Variants in PXDNL observed in about 807,000 individuals in gnomAD.
PXDNL encodes peroxidasin like, also known as probable oxidoreductase PXDNL.
Under a neutral mutation model 150.8 loss-of-function variants are expected in PXDNL, and 145 were observed. The ratio of observed to expected loss-of-function variants is 0.96; its 90% CI spans 0.84 to 1.10. The LOEUF is 1.10. Among genes scored for constraint, PXDNL ranks in the 50% least tolerant of loss-of-function variants. PXDNL has a pLI of 0.00. For missense variants in PXDNL, 2,087 were observed against 1,873.9 expected (o/e 1.11, Z -2.10); for synonymous variants, 757 against 725.7 (o/e 1.04, Z -0.69).
At chr8:51,508,696 C>T (rs942015997) in intron 4 of PXDNL, among the ~76,000 whole-genome samples, 1 of 152,210 alleles carries the variant, frequency 6.6e-6, no homozygotes, top group Non-Finnish European at 1.5e-5. Flanking sequence ...AAGATACCCA[C>T]ATTGCACAGC....
At chr8:51,484,501 T>C (rs1419589860) in intron 5 of PXDNL, among the ~76,000 whole-genome samples, 2 of 151,774 alleles carry the variant, frequency 1.3e-5, no homozygotes, top group Non-Finnish European at 2.9e-5. Context: ...TGAGTAACTG[T>C]TGTAATCCTG....
At chr8:51,433,221 T>C (rs906551393) in intron 12 of PXDNL, among the ~76,000 whole-genome samples, 5 of 96,684 alleles carry the variant, frequency 5.2e-5, no homozygotes, top group Non-Finnish European at 1.0e-4. Context: ...ATAATAATAA[T>C]AATAATAATA....
intron 17 of PXDNL, among the ~76,000 whole-genome samples, chr8:51,384,528 A>G (rs1807643159): frequency 6.7e-6 from 1 of 148,742 alleles, no homozygotes; most frequent in South Asian, 2.2e-4. Flanking sequence ...TCTTAAGGAC[A>G]TCACATTTTT....
chr8:51,705,468 A>C (rs1010596050), intron 1 of PXDNL, among the ~76,000 whole-genome samples: 1 of 152,212 alleles, frequency 6.6e-6, no homozygotes, highest in African/African-American at 2.4e-5. Flanking sequence ...AATAAGCTTC[A>C]TGGGAAGCTC....
At chr8:51,430,597 C>T (rs906441117) in intron 12 of PXDNL, among the ~76,000 whole-genome samples, 26 of 152,210 alleles carry the variant, frequency 1.7e-4, no homozygotes, top group Admixed American at 2.0e-4. Context: ...TGAACTCTCT[C>T]TTTGTTTTCT....
At chr8:51,644,095 G>T (rs894176436) in intron 2 of PXDNL, among the ~76,000 whole-genome samples, 8 of 151,476 alleles carry the variant, frequency 5.3e-5, no homozygotes, top group Admixed American at 2.6e-4. Flanking sequence ...ACAGTGAGCC[G>T]AGATCATGCC....
At chr8:51,528,191 C>G (rs1318533032) in intron 4 of PXDNL, among the ~76,000 whole-genome samples, 2 of 152,136 alleles carry the variant, frequency 1.3e-5, no homozygotes, top group African/African-American at 4.8e-5. Context: ...CTTCTCCTGG[C>G]AGCTGAGAAG....
At chr8:51,729,095 G>C (rs770456589) in intron 1 of PXDNL, among the ~76,000 whole-genome samples, 3 of 152,154 alleles carry the variant, frequency 2.0e-5, no homozygotes, top group Non-Finnish European at 4.4e-5. Flanking sequence ...TGTAGCCTGA[G>C]AGCACAATGA....
chr8:51,560,781 T>C (rs1294499457), intron 3 of PXDNL, among the ~76,000 whole-genome samples: 3 of 151,778 alleles, frequency 2.0e-5, no homozygotes, highest in Non-Finnish European at 4.4e-5. Context: ...ATAGGTAAAC[T>C]GGACTACACC....
intron 19 of PXDNL, among the ~76,000 whole-genome samples, chr8:51,356,062 G>T (rs145314478): frequency 6.6e-6 from 1 of 152,358 alleles, no homozygotes; most frequent in Non-Finnish European, 1.5e-5. Flanking sequence ...CTATCCCTAG[G>T]TCTGCTAATA....
intron 8 of PXDNL, among the ~76,000 whole-genome samples, chr8:51,467,209 T>TA (rs1450431978): frequency 2.6e-5 from 4 of 152,026 alleles, no homozygotes. Context: ...TGTGCAGCCA[T>TA]AAAAAAGAAT....
chr8:51,688,247 C>T (rs1053655088), intron 1 of PXDNL, among the ~76,000 whole-genome samples: 3 of 151,582 alleles, frequency 2.0e-5, no homozygotes, highest in South Asian at 2.1e-4. Context: ...GCAGGAAGAC[C>T]GGAGTCAGAA....
intron 6 of PXDNL, among the ~76,000 whole-genome samples, chr8:51,482,936 T>C (rs1051272581): frequency 6.6e-6 from 1 of 152,218 alleles, no homozygotes; most frequent in African/African-American, 2.4e-5. Context: ...TTTTCCACTA[T>C]GTGCTCTCTG....
chr8:51,551,542 T>A (rs1052399137), intron 4 of PXDNL, among the ~76,000 whole-genome samples: 1 of 152,212 alleles, frequency 6.6e-6, no homozygotes, highest in African/African-American at 2.4e-5. Context: ...AGCCAACTGA[T>A]CTTTGGCAAA....
intron 2 of PXDNL, among the ~76,000 whole-genome samples, chr8:51,644,795 C>T (rs1814882510): frequency 6.6e-6 from 1 of 151,890 alleles, no homozygotes; most frequent in Non-Finnish European, 1.5e-5. Context: ...CCTATAGTAG[C>T]AGCAGCAGCG....
Position 51,345,837 on chromosome 8 carries a change from T to A in PXDNL, c.4012A>T (p.Ser1338Cys), listed in dbSNP as rs529091530. 25 of 1,590,786 alleles carry A rather than the reference T, an allele frequency of 1.6e-5. 1 individual carries two copies. In the South Asian group the frequency reaches 2.8e-4, roughly 18 times the overall value. ...DKDMELSHLRSRQQDKIYVGE... is the reference protein window; with the variant it reads ...DKDMELSHLRCRQQDKIYVGE... ...ATGAGATATTTCTATACATACCTAC[T>A]TCTTAGATGACTTAACTCCATATCC... Residue 1338 changes from serine to cysteine, a missense_variant, in exon 20 of 23, where the codon AGT becomes TGT. By Grantham distance (112) the Ser-to-Cys change is moderately radical. Transcript: ENST00000356297.
At chr8:51,591,274 A>T (rs996933967) in intron 3 of PXDNL, among the ~76,000 whole-genome samples, 1 of 152,212 alleles carries the variant, frequency 6.6e-6, no homozygotes. Flanking sequence ...ATCAGCAGAA[A>T]ATTGACTAAG....
chr8:51,638,225 G>A (rs1229462214), intron 2 of PXDNL, among the ~76,000 whole-genome samples: 12 of 152,172 alleles, frequency 7.9e-5, no homozygotes, highest in South Asian at 2.1e-4. Flanking sequence ...AGGAACAACC[G>A]GTACCAGCCA....
chr8:51,536,488 G>A (rs1812081270), intron 4 of PXDNL, among the ~76,000 whole-genome samples: 1 of 152,218 alleles, frequency 6.6e-6, no homozygotes, highest in Non-Finnish European at 1.5e-5. Context: ...AATGAAAAAG[G>A]TAATGAAGGC....
Sources: gnomAD v4.1 joint callset for allele counts (sites outside exome capture counted in the v4.1 genomes callset) on GRCh38, gnomAD v4.1.1 for gene constraint, MANE v1.5 for transcripts, NCBI Gene and HGNC (gene_info 2026-07-23, HGNC 2026-07-21) for gene names.